DPH6: variants seen among roughly 807,000 people sequenced by gnomAD.
DPH6 encodes the protein diphthamine biosynthesis 6, also known as diphthine--ammonia ligase.
A neutral mutation model predicts 38.2 loss-of-function variants in DPH6; 33 were observed. The observed-to-expected ratio is 0.86, with a 90% CI of 0.65 to 1.15. The LOEUF (loss-of-function observed/expected upper bound fraction) is 1.15. Ranked by LOEUF, DPH6 falls within the 50% of genes most tolerant of loss-of-function variation. DPH6 has a pLI of 0.00. For synonymous variants in DPH6, 108 were observed against 103.0 expected (o/e 1.05, Z -0.30); for missense variants, 325 against 320.0 (o/e 1.02, Z -0.12).
At chr15:35,237,035 A>T in intron 3 of DPH6, 1 of 417,408 alleles carries the variant, frequency 2.4e-6, no homozygotes, top group Non-Finnish European at 4.3e-6. Flanking sequence ...TATACTGTAC[A>T]TCATGACTGT....
intron 6 of DPH6, among the ~76,000 whole-genome samples, chr15:35,401,999 T>C (rs988403320): frequency 6.6e-6 from 1 of 152,220 alleles, no homozygotes. Flanking sequence ...CTGTGGAAAG[T>C]GTAAAGCATT....
intron 6 of DPH6, among the ~76,000 whole-genome samples, chr15:35,391,016 T>G (rs2053048221): frequency 6.6e-6 from 1 of 152,186 alleles, no homozygotes; most frequent in Non-Finnish European, 1.5e-5. Flanking sequence ...ACAGATGGGT[T>G]TTTGGTGTGG....
intron 3 of DPH6, among the ~76,000 whole-genome samples, chr15:35,493,382 A>C (rs962399773): frequency 6.6e-6 from 1 of 152,148 alleles, no homozygotes; most frequent in Admixed American, 6.6e-5. Flanking sequence ...CTTGTAATGA[A>C]AAAGAGCAGA....
chr15:35,519,243 C>G (rs1162230244), intron 3 of DPH6: 1 of 151,856 alleles, frequency 6.6e-6, no homozygotes, highest in African/African-American at 2.4e-5. Flanking sequence ...CATTGTGTAA[C>G]TCCCTTGGTT....
chr15:35,367,039 A>G (rs946193337), downstream of DPH6, among the ~76,000 whole-genome samples: 2 of 151,958 alleles, frequency 1.3e-5, no homozygotes, highest in Non-Finnish European at 2.9e-5. Flanking sequence ...ATAAAGCAAA[A>G]TAAAATGAAA....
chr15:35,316,163 T>C (rs1168147352), intron 3 of DPH6, among the ~76,000 whole-genome samples: 1 of 152,210 alleles, frequency 6.6e-6, no homozygotes, highest in African/African-American at 2.4e-5. Context: ...TAATTTATTG[T>C]ACATTTCAAA....
chr15:35,219,558 C>G (rs1014409301), exon 4 of DPH6: 6 of 152,040 alleles, frequency 3.9e-5, no homozygotes, highest in Non-Finnish European at 8.8e-5. Context: ...TTTCACGCAG[C>G]CTAGTGACTG....
At chr15:35,425,564 C>T (rs941411449) in intron 5 of DPH6, among the ~76,000 whole-genome samples, 5 of 150,648 alleles carry the variant, frequency 3.3e-5, no homozygotes, top group African/African-American at 7.3e-5. Context: ...TTTAGAATTA[C>T]GATATAGTGC....
chr15:35,403,343 G>GTA lies in DPH6; in HGVS notation c.567+7490_567+7491dup, dbSNP rs376211132. On this transcript the variant is annotated intron_variant, in intron 6 of 8. Transcript: ENST00000256538. ...GTTTAATTTTATGGGTACATAGTAG[G>GTA]TATATATATATATATGGAGTATCAG... Among the ~76,000 whole-genome samples, 634 of 150,280 alleles carry GTA rather than the reference G, an allele frequency of 4.2e-3. 14 individuals carry two copies. The highest frequency in any genetic ancestry group is 0.033 in the Admixed American group (498 of 15,104).
intron 3 of DPH6, among the ~76,000 whole-genome samples, chr15:35,294,423 A>C (rs1211207220): frequency 2.6e-5 from 4 of 152,150 alleles, no homozygotes; most frequent in Admixed American, 1.3e-4. Flanking sequence ...GGTTTGTAGT[A>C]TTGTCCTTTC....
At chr15:35,293,546 C>T (rs541764999) in intron 3 of DPH6, among the ~76,000 whole-genome samples, 21 of 152,292 alleles carry the variant, frequency 1.4e-4, no homozygotes, top group South Asian at 6.2e-4. Context: ...TCCTCCAAAA[C>T]GCTGACCAGT....
intron 3 of DPH6, chr15:35,520,347 A>G (rs2054906694): frequency 1.0e-6 from 1 of 983,708 alleles, no homozygotes; most frequent in Non-Finnish European, 1.2e-6. Flanking sequence ...CCTCATAGAC[A>G]TGCATTTTGT....
chr15:35,274,920 C>CT (rs111503678), intron 3 of DPH6, among the ~76,000 whole-genome samples: 4,271 of 145,594 alleles, frequency 0.029, 198 homozygotes, highest in African/African-American at 0.1. Context: ...ATAAATCATT[C>CT]TTTTTTTTTT....
intron 3 of DPH6, among the ~76,000 whole-genome samples, chr15:35,262,751 T>G (rs1428888260): frequency 7.1e-6 from 1 of 139,984 alleles, no homozygotes; most frequent in Non-Finnish European, 1.5e-5. Context: ...TCTTAATGAA[T>G]AGCCATTTAG....
intron 3 of DPH6, among the ~76,000 whole-genome samples, chr15:35,355,160 A>C (rs1207226473): frequency 1.3e-5 from 2 of 151,926 alleles, no homozygotes; most frequent in East Asian, 3.9e-4. Context: ...CCATCCGTTT[A>C]CTTTGAGCCT....
chr15:35,411,097 T>A (rs1226195368), intron 5 of DPH6, among the ~76,000 whole-genome samples: 2 of 151,730 alleles, frequency 1.3e-5, no homozygotes, highest in Non-Finnish European at 3.0e-5. Context: ...TTCTGAAAAG[T>A]AAGTTTCCAC....
At chr15:35,421,541 G>A (rs1456111984) in intron 5 of DPH6, among the ~76,000 whole-genome samples, 2 of 152,162 alleles carry the variant, frequency 1.3e-5, no homozygotes. Flanking sequence ...AATAATAAGT[G>A]AAAGATGTGT....
chr15:35,350,322 GT>G (rs60012895), intron 3 of DPH6, among the ~76,000 whole-genome samples: 58 of 139,906 alleles, frequency 4.1e-4, no homozygotes, highest in East Asian at 6.1e-4. Context: ...ACTGGAGTCT[GT>G]TTTTTTTTTT....
chr15:35,245,387 C>T (rs1437726234), intron 3 of DPH6, among the ~76,000 whole-genome samples: 2 of 151,706 alleles, frequency 1.3e-5, no homozygotes, highest in East Asian at 1.9e-4. Flanking sequence ...TACAGGCGCC[C>T]GCCACCATGC....
Sources: allele counts gnomAD v4.1 joint callset (sites outside exome capture counted in the v4.1 genomes callset), GRCh38; gene constraint gnomAD v4.1.1; transcripts MANE v1.5; gene names NCBI Gene and HGNC (gene_info 2026-07-23, HGNC 2026-07-21).